The following AMOTL1 variants were observed in gnomAD, a reference collection of about 807,000 sequenced individuals.
AMOTL1 encodes the protein angiomotin-like protein 1.
A neutral mutation model predicts 102.9 loss-of-function variants in AMOTL1; 45 were observed. The observed-to-expected ratio is 0.44, with a 90% CI of 0.34 to 0.56. The LOEUF (loss-of-function observed/expected upper bound fraction) is 0.56, where lower values mean the gene tolerates loss of function less well. AMOTL1 is among the 20% of genes least tolerant of loss of function. The probability of loss-of-function intolerance (pLI) is 0.01; values close to 1 mark genes in which losing one functional copy is unlikely to be tolerated. For synonymous variants in AMOTL1, 481 were observed against 484.7 expected (o/e 0.99, Z 0.10); for missense variants, 1,114 against 1,225.6 (o/e 0.91, Z 1.36).
chr11:94,821,223 C>T (rs773379426), intron 3 of AMOTL1, among the ~76,000 whole-genome samples: 1 of 152,220 alleles, frequency 6.6e-6, no homozygotes, highest in African/African-American at 2.4e-5. Flanking sequence ...TGTCACATCA[C>T]TCCACCTTAT....
chr11:94,786,147 T>C (rs112295194), intron 1 of AMOTL1, among the ~76,000 whole-genome samples: 2,040 of 152,324 alleles, frequency 0.013, 47 homozygotes, highest in African/African-American at 0.047. Flanking sequence ...AGTCTTTTTG[T>C]TTTAGATAAG....
Position 94,799,928 on chromosome 11 carries a change from G to A in AMOTL1, c.738G>A (p.Lys246=). 2 of 1,612,510 alleles carry A rather than the reference G, an allele frequency of 1.2e-6. No individual in the cohort carries two copies. The highest frequency in any genetic ancestry group is 1.7e-6 in the Non-Finnish European group (2 of 1,179,154). Residue 246 remains lysine, a synonymous_variant, in exon 3 of 13, where the codon AAG becomes AAA. Transcript: ENST00000433060. This position sits in a 1 kb window ranked among gnomAD's most constrained non-coding sequence, Gnocchi z 4.5. ...VNRANSGQAH[K]DEALKELKQG... ...GTGCCAACAGTGGACAGGCGCATAAGGACGAGGCGCTGAAGGAACTGAAGC... is the reference window on the plus strand; with the variant it reads ...GTGCCAACAGTGGACAGGCGCATAAAGACGAGGCGCTGAAGGAACTGAAGC...
chr11:94,837,882 T>G (rs781366220), intron 6 of AMOTL1, among the ~76,000 whole-genome samples: 1 of 152,222 alleles, frequency 6.6e-6, no homozygotes, highest in Non-Finnish European at 1.5e-5. Context: ...GAACATTCCT[T>G]GCACTACATA....
At chr11:94,800,373 A>G (rs1951455470) in intron 3 of AMOTL1, 62 bp downstream of exon 3, 2 of 1,475,844 alleles carry the variant, frequency 1.4e-6, no homozygotes, top group Non-Finnish European at 1.8e-6. Context: ...TGTTATTAGC[A>G]TTTATTATTT....
chr11:94,818,794 A>AT (rs1271967663), intron 3 of AMOTL1, among the ~76,000 whole-genome samples: 3 of 151,752 alleles, frequency 2.0e-5, no homozygotes, highest in Admixed American at 2.0e-4. Context: ...TTTTCCCTCC[A>AT]TTTTTTTCTT....
intron 3 of AMOTL1, among the ~76,000 whole-genome samples, chr11:94,808,808 T>A (rs1951612999): frequency 1.3e-5 from 2 of 152,052 alleles, no homozygotes; most frequent in African/African-American, 4.8e-5. Flanking sequence ...GAAATTAATT[T>A]TAAAGCATAG....
intron 4 of AMOTL1, among the ~76,000 whole-genome samples, chr11:94,828,921 A>G (rs906331256): frequency 6.6e-6 from 1 of 152,110 alleles, no homozygotes; most frequent in African/African-American, 2.4e-5. Flanking sequence ...TCAAGCATCC[A>G]TCCATGTTTG....
chr11:94,821,061 T>C (rs1476717574), intron 3 of AMOTL1, among the ~76,000 whole-genome samples: 1 of 152,170 alleles, frequency 6.6e-6, no homozygotes, highest in African/African-American at 2.4e-5. Flanking sequence ...GGAATACTCC[T>C]TTCCCCCACT....
intron 4 of AMOTL1, among the ~76,000 whole-genome samples, chr11:94,825,594 A>G (rs1951947665): frequency 6.6e-6 from 1 of 152,174 alleles, no homozygotes; most frequent in African/African-American, 2.4e-5. Flanking sequence ...GAAAAGGAGA[A>G]TGAGAGCTGG....
At chr11:94,771,847 A>C (rs1950958127) in intron 1 of AMOTL1, among the ~76,000 whole-genome samples, 1 of 152,154 alleles carries the variant, frequency 6.6e-6, no homozygotes. Flanking sequence ...AGAGTAGGAG[A>C]GTAGCTCTAA....
intron 1 of AMOTL1, among the ~76,000 whole-genome samples, chr11:94,775,185 T>A (rs1951008907): frequency 6.6e-6 from 1 of 152,242 alleles, no homozygotes; most frequent in Non-Finnish European, 1.5e-5. Context: ...ATCAGTATCT[T>A]TTTGGAGCAG....
rs1043717777 is a variant in AMOTL1 at position 94,853,925 on chromosome 11, C to T, written c.1795-8C>T. 2 of 1,606,228 alleles carry T rather than the reference C, an allele frequency of 1.2e-6. No individual in the cohort carries two copies. Among genetic ancestry groups the T allele is most frequent in the African/African-American group, 2.7e-5 (2 of 74,838 alleles). ...ATTCTGTGCTCTTTTTTACTCTTCT[C>T]CACTCAGTTACGAGAGAAGCAAGCA... On this transcript the variant is annotated splice_region_variant and splice_polypyrimidine_tract_variant and intron_variant, in intron 7 of 12. Coordinates refer to ENST00000433060, the MANE Select transcript of AMOTL1 (RefSeq NM_130847.3).
chr11:94,748,775 A>G (rs1207331877), intron 3 of AMOTL1, among the ~76,000 whole-genome samples: 1 of 152,168 alleles, frequency 6.6e-6, no homozygotes, highest in Non-Finnish European at 1.5e-5. Context: ...GGAATGCATC[A>G]CCTGGATTCC....
intron 3 of AMOTL1, among the ~76,000 whole-genome samples, chr11:94,743,859 A>G (rs1172963897): frequency 2.0e-5 from 3 of 151,830 alleles, no homozygotes; most frequent in Non-Finnish European, 4.4e-5. Context: ...GGGTTTTGCC[A>G]TGTTAGCCAG....
intron 6 of AMOTL1, among the ~76,000 whole-genome samples, chr11:94,836,315 G>T (rs1048635215): frequency 2.6e-5 from 4 of 152,160 alleles, no homozygotes; most frequent in Admixed American, 6.5e-5. Flanking sequence ...TCCTCTTATG[G>T]ACCAATCAGC....
intron 1 of AMOTL1, among the ~76,000 whole-genome samples, chr11:94,787,821 G>A (rs896521429): frequency 1.1e-4 from 17 of 149,524 alleles, no homozygotes; most frequent in African/African-American, 3.2e-4. Context: ...GAAGCACAAA[G>A]TGACGTTGGG....
At chr11:94,757,999 T>G (rs1284269792) in intron 3 of AMOTL1, among the ~76,000 whole-genome samples, 1 of 152,156 alleles carries the variant, frequency 6.6e-6, no homozygotes, top group Non-Finnish European at 1.5e-5. Flanking sequence ...GAGGCAGAAG[T>G]TGCAGTGAGC....
At chr11:94,794,095 A>G (rs1443459147) in intron 1 of AMOTL1, among the ~76,000 whole-genome samples, 1 of 152,252 alleles carries the variant, frequency 6.6e-6, no homozygotes, top group African/African-American at 2.4e-5. Flanking sequence ...ACCAGTTGGA[A>G]GCCATTGCTG....
At chr11:94,836,294 A>T (rs1412524218) in intron 6 of AMOTL1, among the ~76,000 whole-genome samples, 1 of 152,204 alleles carries the variant, frequency 6.6e-6, no homozygotes, top group Non-Finnish European at 1.5e-5. Flanking sequence ...ACGTGAACAC[A>T]CTGATTTACC....
Sources: allele counts gnomAD v4.1 joint callset (sites outside exome capture counted in the v4.1 genomes callset), GRCh38; gene constraint gnomAD v4.1.1; non-coding constraint Gnocchi (gnomAD v3.1); transcripts MANE v1.5; gene names NCBI Gene and HGNC (gene_info 2026-07-23, HGNC 2026-07-21).